NKAIN3: variants seen among roughly 807,000 people sequenced by gnomAD.
The protein encoded by NKAIN3 is sodium/potassium-transporting ATPase subunit beta-1-interacting protein 3.
A neutral mutation model predicts 30.2 loss-of-function variants in NKAIN3; 25 were observed. The ratio of observed to expected loss-of-function variants is 0.83; its 90% CI spans 0.60 to 1.16. NKAIN3 has a LOEUF of 1.16. Among genes scored for constraint, NKAIN3 ranks in the 50% most tolerant of loss-of-function variants. The pLI is 0.00. For synonymous variants in NKAIN3, 91 were observed against 89.6 expected (o/e 1.02, Z -0.09); for missense variants, 225 against 254.1 (o/e 0.89, Z 0.78).
At chr8:62,847,928 T>C (rs745744716) in intron 4 of NKAIN3, among the ~76,000 whole-genome samples, 47 of 152,066 alleles carry the variant, frequency 3.1e-4, no homozygotes, top group Non-Finnish European at 6.3e-4. Context: ...TCATTTATCA[T>C]ATAGGGAATC....
chr8:62,596,660 G>A (rs959346281), intron 3 of NKAIN3, among the ~76,000 whole-genome samples: 5 of 152,012 alleles, frequency 3.3e-5, no homozygotes, highest in Non-Finnish European at 5.9e-5. Flanking sequence ...AGAGTGAGGG[G>A]ATTACTTTCA....
At chr8:62,884,660 T>G (rs183576713) in intron 4 of NKAIN3, among the ~76,000 whole-genome samples, 91 of 149,908 alleles carry the variant, frequency 6.1e-4, no homozygotes, top group African/African-American at 2.1e-3. Context: ...ATAGATTCCG[T>G]TTCTTTAATA....
At chr8:62,282,654 G>A (rs557898837) in intron 1 of NKAIN3, among the ~76,000 whole-genome samples, 4 of 152,298 alleles carry the variant, frequency 2.6e-5, no homozygotes, top group South Asian at 2.1e-4. Context: ...AGGGAATGAA[G>A]CTCAGGTTTT....
At chr8:62,840,482 C>G (rs895654304) in intron 4 of NKAIN3, among the ~76,000 whole-genome samples, 4 of 149,994 alleles carry the variant, frequency 2.7e-5, no homozygotes, top group African/African-American at 9.8e-5. Context: ...TGTTCCTGTC[C>G]TTTTACACTG....
intron 3 of NKAIN3, among the ~76,000 whole-genome samples, chr8:62,710,884 T>C (rs1464772150): frequency 6.6e-6 from 1 of 152,212 alleles, no homozygotes; most frequent in Non-Finnish European, 1.5e-5. Context: ...GTTTCCTAGA[T>C]TGGTTTCAAG....
chr8:62,485,106 G>A (rs1806855794), intron 1 of NKAIN3, among the ~76,000 whole-genome samples: 1 of 152,156 alleles, frequency 6.6e-6, no homozygotes, highest in African/African-American at 2.4e-5. Context: ...GAGAGGCATG[G>A]TCATAACTGC....
At chr8:62,745,295 C>T (rs370496175) in intron 3 of NKAIN3, among the ~76,000 whole-genome samples, 3 of 152,354 alleles carry the variant, frequency 2.0e-5, no homozygotes, top group African/African-American at 7.2e-5. Flanking sequence ...AGTCTGCGGG[C>T]AGCCTCTGCA....
intron 4 of NKAIN3, among the ~76,000 whole-genome samples, chr8:62,882,178 G>GT (rs1821002779): frequency 6.6e-6 from 1 of 152,120 alleles, no homozygotes; most frequent in Non-Finnish European, 1.5e-5. Context: ...TTTTGCATAT[G>GT]TTTTTTCCCA....
intron 1 of NKAIN3, among the ~76,000 whole-genome samples, chr8:62,579,120 T>C (rs1810211523): frequency 1.3e-5 from 2 of 152,082 alleles, no homozygotes; most frequent in African/African-American, 2.4e-5. Context: ...CTGTGATTAT[T>C]ACATATGTAT....
chr8:62,892,377 T>G (rs1002873071), intron 4 of NKAIN3, among the ~76,000 whole-genome samples: 1 of 152,338 alleles, frequency 6.6e-6, no homozygotes, highest in South Asian at 2.1e-4. Flanking sequence ...ATTAGCACCA[T>G]GTGGAGAAAA....
intron 1 of NKAIN3, among the ~76,000 whole-genome samples, chr8:62,290,888 G>C (rs1038005580): frequency 6.6e-6 from 1 of 152,060 alleles, no homozygotes; most frequent in African/African-American, 2.4e-5. Flanking sequence ...TTGGTTGGTA[G>C]GCTATTCATT....
At chr8:62,290,182 C>G (rs1244482603) in intron 1 of NKAIN3, among the ~76,000 whole-genome samples, 1 of 152,196 alleles carries the variant, frequency 6.6e-6, no homozygotes, top group Admixed American at 6.5e-5. Flanking sequence ...ATCATGTCAT[C>G]TGCAAGCAGG....
intron 1 of NKAIN3, among the ~76,000 whole-genome samples, chr8:62,317,971 T>C (rs1310410822): frequency 6.6e-6 from 1 of 152,148 alleles, no homozygotes; most frequent in Non-Finnish European, 1.5e-5. Flanking sequence ...GGTTTGTAGT[T>C]CTCCTTGAAG....
At chr8:62,261,024 A>G (rs1812424060) in intron 1 of NKAIN3, among the ~76,000 whole-genome samples, 1 of 152,236 alleles carries the variant, frequency 6.6e-6, no homozygotes, top group East Asian at 1.9e-4. Flanking sequence ...TGTTTATATC[A>G]TAGAAATATC....
chr8:62,573,352 G>A (rs1810006753), intron 1 of NKAIN3, among the ~76,000 whole-genome samples: 1 of 152,030 alleles, frequency 6.6e-6, no homozygotes, highest in Non-Finnish European at 1.5e-5. Context: ...TTCCTCAATT[G>A]CAACTACAAT....
At position 62,981,998 on chromosome 8, in the gene NKAIN3, T is replaced by C. The variant is rs1365197734; in HGVS notation, c.*16591T>C. 6.6e-6 allele frequency: 1 copy of C among 152,184 alleles called. No homozygotes were observed. Among genetic ancestry groups the C allele is most frequent in the African/African-American group, 2.4e-5 (1 of 41,442 alleles). 9.4% of individuals were successfully genotyped at this position (152,184 alleles called of 1,614,324 possible). ...AATGAGAAAGGTATAGTAGATATTA[T>C]GTAAATAAGCAGAAATAATGGCAAT... On this transcript the variant is annotated 3_prime_UTR_variant, in exon 7 of 7. Transcript: ENST00000623646.
At chr8:62,365,706 T>C (rs778031535) in intron 1 of NKAIN3, among the ~76,000 whole-genome samples, 2 of 152,190 alleles carry the variant, frequency 1.3e-5, no homozygotes, top group Non-Finnish European at 2.9e-5. Flanking sequence ...AGCTTTCAGT[T>C]TGCACTTATC....
chr8:62,862,558 C>T (rs1407629388), intron 4 of NKAIN3, among the ~76,000 whole-genome samples: 1 of 151,976 alleles, frequency 6.6e-6, no homozygotes, highest in Admixed American at 6.6e-5. Flanking sequence ...TATTATAATA[C>T]CTGAGTTTTC....
chr8:62,589,899 G>GTGTGTGTGTGTGTGTT, intron 3 of NKAIN3, 105 bp downstream of exon 3: 1 of 497,898 alleles, frequency 2.0e-6, no homozygotes, highest in Non-Finnish European at 3.6e-6. Flanking sequence ...GTGTGTGTGT[G>GTGTGTGTGTGTGTGTT]TGTGTGTGTG....
Sources: allele counts gnomAD v4.1 joint callset (sites outside exome capture counted in the v4.1 genomes callset), GRCh38; gene constraint gnomAD v4.1.1; transcripts MANE v1.5; gene names NCBI Gene and HGNC (gene_info 2026-07-23, HGNC 2026-07-21).